PRKCA: variants seen among roughly 807,000 people sequenced by gnomAD.
PRKCA encodes protein kinase C alpha type.
PRKCA carries 27 observed loss-of-function variants against 87.0 expected under a neutral mutation model. The observed-to-expected ratio is 0.31, with a 90% CI of 0.23 to 0.43. The LOEUF is 0.43. Ranked by LOEUF, PRKCA falls within the 20% of genes least tolerant of loss-of-function variation. The pLI, the probability that PRKCA is intolerant of heterozygous loss-of-function variation, is 1.00. For missense variants in PRKCA, 518 were observed against 852.3 expected (o/e 0.61, Z 4.88); for synonymous variants, 329 against 311.1 (o/e 1.06, Z -0.61).
intron 8 of PRKCA, among the ~76,000 whole-genome samples, chr17:66,731,787 T>C (rs971718917): frequency 2.9e-5 from 4 of 137,992 alleles, no homozygotes; most frequent in Non-Finnish European, 6.3e-5. Flanking sequence ...TTTTTTTTTT[T>C]TTTTTTTTTT....
At chr17:66,317,989 T>C (rs966460301) in intron 2 of PRKCA, among the ~76,000 whole-genome samples, 30 of 152,232 alleles carry the variant, frequency 2.0e-4, no homozygotes, top group Admixed American at 2.0e-3. Flanking sequence ...ATGTTTTTCT[T>C]AATGCTGTTA....
chr17:66,501,730 A>G (rs1916740305), intron 3 of PRKCA, among the ~76,000 whole-genome samples: 1 of 152,240 alleles, frequency 6.6e-6, no homozygotes, highest in African/African-American at 2.4e-5. Flanking sequence ...AAAATAAGAC[A>G]AAAGTGCTCT....
intron 2 of PRKCA, among the ~76,000 whole-genome samples, chr17:66,337,920 TA>T (rs548665610): frequency 1.4e-3 from 204 of 148,944 alleles, no homozygotes; most frequent in Non-Finnish European, 2.0e-3. Context: ...AAAAGCCAAT[TA>T]AAAAAAAAAC....
intron 2 of PRKCA, among the ~76,000 whole-genome samples, chr17:66,492,590 T>G (rs1191555714): frequency 2.0e-5 from 3 of 152,208 alleles, no homozygotes; most frequent in Non-Finnish European, 4.4e-5. Context: ...AAACACTACA[T>G]CTGTAATAAA....
At chr17:66,544,073 CG>C (rs1567888424) in intron 3 of PRKCA, among the ~76,000 whole-genome samples, 1 of 152,064 alleles carries the variant, frequency 6.6e-6, no homozygotes, top group Admixed American at 6.6e-5. Flanking sequence ...AAATTAGCCA[CG>C]TGTGGTGGTG....
At chr17:66,415,896 T>A (rs1024898928) in intron 2 of PRKCA, 1 of 152,194 alleles carries the variant, frequency 6.6e-6, no homozygotes, top group Non-Finnish European at 1.5e-5. Flanking sequence ...TTGTTATAAT[T>A]AAGGTCAGTC....
chr17:66,734,494 A>C (rs1973977006), intron 9 of PRKCA, among the ~76,000 whole-genome samples: 1 of 152,172 alleles, frequency 6.6e-6, no homozygotes, highest in Admixed American at 6.5e-5. Context: ...GTGTCTTTTC[A>C]CATGCTAATA....
chr17:66,509,081 G>A (rs9896921), intron 3 of PRKCA, among the ~76,000 whole-genome samples: 9,582 of 152,078 alleles, frequency 0.063, 918 homozygotes, highest in African/African-American at 0.21. Context: ...TTCCCCTGGC[G>A]CTGTGTTTCC....
intron 2 of PRKCA, among the ~76,000 whole-genome samples, chr17:66,369,387 G>T (rs1211106912): frequency 6.6e-6 from 1 of 152,036 alleles, no homozygotes; most frequent in African/African-American, 2.4e-5. Flanking sequence ...GAGGAGGAGG[G>T]ACCTGGGGGA....
At chr17:66,775,786 G>C (rs1190142928) in intron 14 of PRKCA, 2 of 981,938 alleles carry the variant, frequency 2.0e-6, no homozygotes, top group African/African-American at 3.5e-5. Context: ...CTTACAATGT[G>C]CATGGCCATA....
chr17:66,425,534 G>A lies in PRKCA; in HGVS notation c.206-70667G>A, dbSNP rs150514323. Among the ~76,000 whole-genome samples the A allele has an allele frequency of 1.5e-4, 23 of 152,212 alleles. 1 individual carries two copies. The highest frequency in any genetic ancestry group is 5.3e-4 in the African/African-American group (22 of 41,526). The stretch of plus-strand genomic sequence containing the variant: ...TTTTGTTTTCATTGTCAAATGTGTC[G>A]GGTGGCAGTCTCATGAAAAAAATCA... On this transcript the variant is annotated intron_variant, in intron 2 of 16. Transcript: ENST00000413366.
chr17:66,411,097 G>A (rs1006531164), intron 2 of PRKCA, among the ~76,000 whole-genome samples: 5 of 152,004 alleles, frequency 3.3e-5, no homozygotes, highest in African/African-American at 1.2e-4. Flanking sequence ...TTGGGGACAG[G>A]GTCTTGCCCT....
chr17:66,532,334 A>G (rs1967578488), intron 3 of PRKCA, among the ~76,000 whole-genome samples: 1 of 96,280 alleles, frequency 1.0e-5, no homozygotes, highest in South Asian at 3.8e-4. Flanking sequence ...GTAGTTTTTC[A>G]TAAGCATTTA....
intron 5 of PRKCA, among the ~76,000 whole-genome samples, chr17:66,651,505 C>G (rs1002534156): frequency 1.3e-5 from 2 of 152,144 alleles, no homozygotes; most frequent in Non-Finnish European, 2.9e-5. Context: ...TGCCTAAAAG[C>G]TTTGCACAGG....
intron 10 of PRKCA, among the ~76,000 whole-genome samples, chr17:66,737,135 G>C (rs557371741): frequency 1.4e-4 from 21 of 150,848 alleles, no homozygotes; most frequent in African/African-American, 5.1e-4. Context: ...GGCAGATCAC[G>C]AGATCAGGAG....
intron 8 of PRKCA, among the ~76,000 whole-genome samples, chr17:66,725,376 G>A (rs757351020): frequency 1.2e-4 from 19 of 152,188 alleles, no homozygotes; most frequent in Non-Finnish European, 2.5e-4. Context: ...GAGCACAAAT[G>A]TGAATGAATG....
At chr17:66,798,476 G>A (rs1396341280) in intron 16 of PRKCA, among the ~76,000 whole-genome samples, 37 of 63,328 alleles carry the variant, frequency 5.8e-4, no homozygotes, top group East Asian at 1.1e-3. Context: ...GGTGGTGGTG[G>A]TGGTGGTGGT....
At chr17:66,592,764 A>G (rs930399197) in intron 3 of PRKCA, among the ~76,000 whole-genome samples, 2 of 152,150 alleles carry the variant, frequency 1.3e-5, no homozygotes, top group African/African-American at 4.8e-5. Flanking sequence ...AATTGTTCAT[A>G]ACCAAAAAAC....
intron 2 of PRKCA, chr17:66,415,771 C>CT (rs11408080): frequency 0.85 from 129,113 of 152,170 alleles, 55,539 homozygotes; most frequent in South Asian, 0.96. Flanking sequence ...GCCTTTTTTG[C>CT]GTCTGCTTCC....
Sources: gnomAD v4.1 joint callset for allele counts (sites outside exome capture counted in the v4.1 genomes callset) on GRCh38, gnomAD v4.1.1 for gene constraint, MANE v1.5 for transcripts, NCBI Gene and HGNC (gene_info 2026-07-23, HGNC 2026-07-21) for gene names.